HMGCLL1: variants seen among roughly 807,000 people sequenced by gnomAD.
HMGCLL1 encodes the protein 3-hydroxymethyl-3-methylglutaryl-CoA lyase, cytoplasmic.
In HMGCLL1, 36 loss-of-function variants were observed where a neutral mutation model predicts 39.1. The ratio of observed to expected loss-of-function variants is 0.92; its 90% CI spans 0.71 to 1.22. The LOEUF is 1.22. HMGCLL1 is among the 50% of genes most tolerant of loss of function. The pLI is 0.00. For synonymous variants in HMGCLL1, 149 were observed against 144.0 expected, an observed-to-expected ratio of 1.03 and a Z score of -0.25; for missense variants, 451 against 416.5, an observed-to-expected ratio of 1.08 and a Z score of -0.72.
chr6:55,471,268 G>T (rs770431797), intron 7 of HMGCLL1, among the ~76,000 whole-genome samples: 2 of 150,586 alleles, frequency 1.3e-5, no homozygotes, highest in Non-Finnish European at 2.9e-5. Flanking sequence ...AATATTCCTT[G>T]TCTTGACTAG....
chr6:55,588,518 T>C, the HMGCLL1 span, among the ~76,000 whole-genome samples: 1 of 151,878 alleles, frequency 6.6e-6, no homozygotes, highest in East Asian at 1.9e-4. Flanking sequence ...AGCAAACACA[T>C]TCAAAAGCTA....
chr6:55,564,649 T>C (rs573683215), intron 1 of HMGCLL1, among the ~76,000 whole-genome samples: 2 of 152,280 alleles, frequency 1.3e-5, no homozygotes, highest in Admixed American at 1.3e-4. Flanking sequence ...ATATTTGGTA[T>C]AAATGCAGTA....
At chr6:55,526,724 A>T (rs908074723) in intron 3 of HMGCLL1, among the ~76,000 whole-genome samples, 18 of 151,980 alleles carry the variant, frequency 1.2e-4, no homozygotes, top group Non-Finnish European at 1.3e-4. Flanking sequence ...TGGGTATTTA[A>T]TTCTTTATGT....
chr6:55,670,626 A>G, the HMGCLL1 span, among the ~76,000 whole-genome samples: 2 of 151,800 alleles, frequency 1.3e-5, no homozygotes, highest in African/African-American at 4.8e-5. Context: ...GTGGTAAAAT[A>G]CAAATTCTTA....
At chr6:55,557,858 G>A (rs1035510380) in intron 1 of HMGCLL1, among the ~76,000 whole-genome samples, 2 of 152,184 alleles carry the variant, frequency 1.3e-5, no homozygotes, top group Non-Finnish European at 2.9e-5. Context: ...GTACTTAAAA[G>A]TGCTTCATGT....
At chr6:55,620,906 T>A in the HMGCLL1 span, among the ~76,000 whole-genome samples, 1 of 152,154 alleles carries the variant, frequency 6.6e-6, no homozygotes, top group African/African-American at 2.4e-5. Flanking sequence ...TTGTTCTTGA[T>A]ACCTTTGCTG....
the HMGCLL1 span, among the ~76,000 whole-genome samples, chr6:55,670,869 C>G: frequency 1.3e-5 from 2 of 151,632 alleles, no homozygotes; most frequent in Non-Finnish European, 3.0e-5. Flanking sequence ...TCTAAACAAA[C>G]AAATTGCAAC....
chr6:55,616,936 T>C, the HMGCLL1 span, among the ~76,000 whole-genome samples: 1 of 152,086 alleles, frequency 6.6e-6, no homozygotes, highest in South Asian at 2.1e-4. Context: ...TGTGACTGCA[T>C]AAATGAAAAA....
intron 7 of HMGCLL1, among the ~76,000 whole-genome samples, chr6:55,449,097 G>T (rs1763974697): frequency 6.6e-6 from 1 of 152,242 alleles, no homozygotes; most frequent in South Asian, 2.1e-4. Context: ...CTCCAAGATG[G>T]TTTTTATGGA....
intron 3 of HMGCLL1, among the ~76,000 whole-genome samples, chr6:55,519,906 C>G (rs1391344607): frequency 2.0e-5 from 3 of 151,882 alleles, no homozygotes; most frequent in African/African-American, 7.3e-5. Flanking sequence ...TCATTCTGCA[C>G]ATAATTTAAC....
At chr6:55,506,430 G>A (rs953529376) in intron 5 of HMGCLL1, among the ~76,000 whole-genome samples, 1 of 151,500 alleles carries the variant, frequency 6.6e-6, no homozygotes, top group Non-Finnish European at 1.5e-5. Context: ...TCCCATACTG[G>A]TAGAGTAGCC....
Position 55,495,480 on chromosome 6 carries a change from A to G in HMGCLL1, c.734T>C (p.Leu245Pro). Residue 245 changes from leucine to proline, a missense_variant, in exon 7 of 9, where the codon CTT (leucine) becomes CCT (proline). Transcript: ENST00000274901. Reference protein sequence around the residue: ...SVMKEIPPGALAVHCHDTYGQ... With the variant: ...SVMKEIPPGAPAVHCHDTYGQ... ...GTATGTGTCATGACAGTGAACAGCA[A>G]GAGCACCTGGTGGGATTTCTTTCAT... The G allele has an allele frequency of 6.2e-7, 1 of 1,614,122 alleles. No homozygotes were observed. The highest frequency in any genetic ancestry group is 1.1e-5 in the South Asian group (1 of 91,082).
intron 7 of HMGCLL1, among the ~76,000 whole-genome samples, chr6:55,479,908 C>G (rs1765646285): frequency 6.6e-6 from 1 of 151,620 alleles, no homozygotes; most frequent in African/African-American, 2.4e-5. Flanking sequence ...TACTAAGAAG[C>G]TCAGACTTCT....
At chr6:55,502,739 A>T (rs1411919284) in intron 5 of HMGCLL1, among the ~76,000 whole-genome samples, 2 of 148,654 alleles carry the variant, frequency 1.3e-5, no homozygotes, top group Non-Finnish European at 3.0e-5. Context: ...TTGCATTGTG[A>T]ATTTTTTAAA....
chr6:55,482,010 T>TA (rs889869382), intron 7 of HMGCLL1, among the ~76,000 whole-genome samples: 13 of 151,950 alleles, frequency 8.6e-5, no homozygotes, highest in East Asian at 1.9e-4. Context: ...ACAAATTTCC[T>TA]AAAAAAAACA....
chr6:55,608,388 C>T, the HMGCLL1 span, among the ~76,000 whole-genome samples: 56 of 152,128 alleles, frequency 3.7e-4, no homozygotes, highest in East Asian at 7.0e-3. Context: ...TGTTTAGTTT[C>T]GCCCTTGCCC....
At chr6:55,574,291 G>A (rs901524334) in intron 1 of HMGCLL1, among the ~76,000 whole-genome samples, 3 of 151,786 alleles carry the variant, frequency 2.0e-5, no homozygotes, top group African/African-American at 7.3e-5. Flanking sequence ...AATAAAAAGA[G>A]AAAATATGTG....
At chr6:55,463,947 G>A (rs1764692108) in intron 7 of HMGCLL1, among the ~76,000 whole-genome samples, 1 of 152,134 alleles carries the variant, frequency 6.6e-6, no homozygotes, top group Non-Finnish European at 1.5e-5. Flanking sequence ...ACAGGTAGAA[G>A]TCCAGAAACC....
At chr6:55,514,731 C>T (rs974442169) in intron 4 of HMGCLL1, among the ~76,000 whole-genome samples, 11 of 152,088 alleles carry the variant, frequency 7.2e-5, no homozygotes, top group Non-Finnish European at 1.2e-4. Flanking sequence ...CAGCCATACT[C>T]GTGTGTACCT....
Sources: allele counts gnomAD v4.1 joint callset (sites outside exome capture counted in the v4.1 genomes callset), GRCh38; gene constraint gnomAD v4.1.1; transcripts MANE v1.5; gene names NCBI Gene and HGNC (gene_info 2026-07-23, HGNC 2026-07-21).